NEBL: variants seen among roughly 807,000 people sequenced by gnomAD.
NEBL encodes the protein LIM and SH3 protein 2.
A neutral mutation model predicts 140.2 loss-of-function variants in NEBL; 122 were observed. The ratio of observed to expected loss-of-function variants is 0.87; its 90% CI spans 0.75 to 1.01. NEBL has a LOEUF of 1.01. NEBL is among the 50% of genes least tolerant of loss of function. The pLI is 0.00. For synonymous variants in NEBL, 436 were observed against 398.9 expected (o/e 1.09, Z -1.11); for missense variants, 1,365 against 1,231.3 (o/e 1.11, Z -1.62).
intron 3 of NEBL, among the ~76,000 whole-genome samples, chr10:21,246,142 C>T (rs1055105146): frequency 5.3e-5 from 8 of 152,196 alleles, no homozygotes; most frequent in Non-Finnish European, 1.0e-4. Context: ...AACTTGACCA[C>T]AAACTCCTCT....
rs1437466799 is a variant in NEBL at position 21,146,380 on chromosome 10, A to G, written c.164+26003T>C. On this transcript the variant is annotated intron_variant, in intron 2 of 6. Transcript: ENST00000417816. Reference sequence around the variant, plus strand: ...GAATGTACATTTCAGCCACACAAGAAAAAAATGACTGGTTGATTAGTAAAG... The same window carrying G: ...GAATGTACATTTCAGCCACACAAGAGAAAAATGACTGGTTGATTAGTAAAG... The G allele has an allele frequency of 1.9e-6, 3 of 1,612,732 alleles. No homozygotes were observed. In the South Asian group the frequency reaches 3.3e-5, roughly 18 times the overall value.
At chr10:21,197,321 G>C (rs182015801) in intron 3 of NEBL, among the ~76,000 whole-genome samples, 11 of 152,362 alleles carry the variant, frequency 7.2e-5, no homozygotes, top group Admixed American at 6.5e-4. Flanking sequence ...AGCCAGGGTT[G>C]AGAACTGCTG....
rs182284613 is a variant in NEBL at position 20,889,483 on chromosome 10, A to G, written c.258+362T>C. Among the ~76,000 whole-genome samples, 7 of 152,304 alleles carry G rather than the reference A, an allele frequency of 4.6e-5. No individual in the cohort carries two copies. In the East Asian group the frequency reaches 1.2e-3, roughly 25 times the overall value. On this transcript the variant is annotated intron_variant, in intron 3 of 27. Coordinates refer to ENST00000377122, the MANE Select transcript of NEBL (RefSeq NM_006393.3). ...TTTATTTCCAAAATGATATTCAATC[A>G]TTTATCTCTGATATATCTATTAGGA... is the stretch of plus-strand genomic sequence containing the variant.
chr10:21,177,941 T>C (rs1841329705), upstream of NEBL, among the ~76,000 whole-genome samples: 1 of 152,216 alleles, frequency 6.6e-6, no homozygotes, highest in Non-Finnish European at 1.5e-5. Context: ...CAACTGCATG[T>C]TTTCCATTTG....
chr10:21,174,730 C>A (rs975470057), upstream of NEBL: 67 of 152,338 alleles, frequency 4.4e-4, 1 homozygote, highest in African/African-American at 1.6e-3. Context: ...CCCGCTCCCA[C>A]GGGCCTCTTC....
At chr10:21,224,249 A>G (rs1035037024) in intron 3 of NEBL, among the ~76,000 whole-genome samples, 3 of 152,244 alleles carry the variant, frequency 2.0e-5, no homozygotes, top group Admixed American at 6.5e-5. Flanking sequence ...TAGTTTTCCT[A>G]GCACTGTTTA....
At chr10:20,833,321 G>A (rs1207314382) in intron 14 of NEBL, among the ~76,000 whole-genome samples, 1 of 152,058 alleles carries the variant, frequency 6.6e-6, no homozygotes, top group Admixed American at 6.5e-5. Flanking sequence ...ACTCTTGAGG[G>A]TCATTTGTGT....
At chr10:21,085,600 A>C (rs753003300) in intron 2 of NEBL, among the ~76,000 whole-genome samples, 1 of 152,298 alleles carries the variant, frequency 6.6e-6, no homozygotes, top group South Asian at 2.1e-4. Context: ...ATGCCACTGT[A>C]CTCCAGCCTC....
At chr10:21,179,257 A>T (rs1172839596), upstream of NEBL, among the ~76,000 whole-genome samples, 3 of 152,182 alleles carry the variant, frequency 2.0e-5, no homozygotes, top group African/African-American at 7.2e-5. Flanking sequence ...CTTCAGAATC[A>T]CATAGACCCT....
chr10:21,089,078 G>A (rs1836786631), intron 2 of NEBL, among the ~76,000 whole-genome samples: 2 of 152,170 alleles, frequency 1.3e-5, no homozygotes, highest in South Asian at 4.1e-4. Flanking sequence ...GGCAGAACAG[G>A]TGTTAAGGAG....
At chr10:20,943,031 T>C (rs10828160) in intron 4 of NEBL, among the ~76,000 whole-genome samples, 5 of 152,120 alleles carry the variant, frequency 3.3e-5, no homozygotes, top group Admixed American at 6.5e-5. Context: ...GTCAGTGTGG[T>C]GATTCCTCAG....
At chr10:21,143,092 A>G (rs1329531019) in intron 2 of NEBL, among the ~76,000 whole-genome samples, 1 of 152,206 alleles carries the variant, frequency 6.6e-6, no homozygotes. Context: ...AGTACATGTT[A>G]TATGCATAAT....
chr10:20,960,724 T>C (rs1320957847), intron 4 of NEBL, among the ~76,000 whole-genome samples: 2 of 151,464 alleles, frequency 1.3e-5, no homozygotes, highest in East Asian at 4.2e-4. Flanking sequence ...CACACACACA[T>C]ATATACATGT....
intron 4 of NEBL, among the ~76,000 whole-genome samples, chr10:20,886,230 T>C: frequency 6.6e-6 from 1 of 152,074 alleles, no homozygotes; most frequent in East Asian, 1.9e-4. Context: ...CTTAAAAAGA[T>C]TCTGGGGAAA....
intron 2 of NEBL, among the ~76,000 whole-genome samples, chr10:21,109,910 C>T (rs559970403): frequency 6.6e-6 from 1 of 152,030 alleles, no homozygotes; most frequent in African/African-American, 2.4e-5. Flanking sequence ...CTTTACTAGT[C>T]CAGCTAGTGG....
intron 22 of NEBL, 76 bp downstream of exon 22, chr10:20,815,549 C>G: frequency 8.6e-7 from 1 of 1,164,004 alleles, no homozygotes; most frequent in Non-Finnish European, 1.3e-6. Context: ...TTTATTTTCA[C>G]AAGCAAAGGA....
intron 26 of NEBL, among the ~76,000 whole-genome samples, chr10:20,793,107 C>G (rs1836161643): frequency 6.6e-6 from 1 of 152,144 alleles, no homozygotes; most frequent in Non-Finnish European, 1.5e-5. Context: ...CAGATTGCCT[C>G]TAGATTTTAG....
At chr10:21,015,106 C>T (rs1838501544) in intron 3 of NEBL, among the ~76,000 whole-genome samples, 1 of 152,178 alleles carries the variant, frequency 6.6e-6, no homozygotes, top group Non-Finnish European at 1.5e-5. Flanking sequence ...AATAGCTAAG[C>T]CAAGCACATA....
At position 20,869,096 on chromosome 10, in the gene NEBL, T is replaced by A. The variant is rs545358373; in HGVS notation, c.583-331A>T. ...ACCCTGTACTCTCCATATAGGTAGC[T>A]TTTATAGTTTCGTTTATTCTCAGGA... On this transcript the variant is annotated intron_variant, in intron 6 of 27. Transcript: ENST00000377122. Among the ~76,000 whole-genome samples, 655 of 152,288 alleles carry A rather than the reference T, an allele frequency of 4.3e-3. 5 individuals are homozygous for A. Among genetic ancestry groups the A allele is most frequent in the Non-Finnish European group, 5.5e-3 (372 of 68,008 alleles).
Sources: allele counts gnomAD v4.1 joint callset (sites outside exome capture counted in the v4.1 genomes callset), GRCh38; gene constraint gnomAD v4.1.1; transcripts MANE v1.5; gene names NCBI Gene and HGNC (gene_info 2026-07-23, HGNC 2026-07-21).